NT5DC1: variants seen among roughly 807,000 people sequenced by gnomAD.
NT5DC1 encodes 5'-nucleotidase domain-containing protein 1.
In NT5DC1, 42 loss-of-function variants were observed where a neutral mutation model predicts 59.4. The observed-to-expected ratio is 0.71, with a 90% CI of 0.55 to 0.92. The LOEUF is 0.92. Among genes scored for constraint, NT5DC1 ranks in the 40% least tolerant of loss-of-function variants. The pLI, the probability that NT5DC1 is intolerant of heterozygous loss-of-function variation, is 0.00. For synonymous variants in NT5DC1, 172 were observed against 188.1 expected, an observed-to-expected ratio of 0.91 and a Z score of 0.70; for missense variants, 501 against 537.1, an observed-to-expected ratio of 0.93 and a Z score of 0.66.
intron 6 of NT5DC1, chr6:116,158,546 C>T (rs994375076): frequency 1.3e-5 from 2 of 152,078 alleles, no homozygotes; most frequent in Non-Finnish European, 2.9e-5. Context: ...AGTATTTTTG[C>T]CCTGTTTTTC....
chr6:116,108,506 C>T (rs1359643178), intron 3 of NT5DC1, 71 bp downstream of exon 3: 6 of 843,826 alleles, frequency 7.1e-6, no homozygotes, highest in Non-Finnish European at 1.3e-5. Context: ...TGGCATATGA[C>T]CCTTACAGTA....
chr6:116,133,424 C>T (rs1023047329), intron 6 of NT5DC1, among the ~76,000 whole-genome samples: 7 of 152,252 alleles, frequency 4.6e-5, no homozygotes, highest in East Asian at 1.9e-4. Flanking sequence ...TGTTTGCCAT[C>T]GTACTTGAGA....
intron 2 of NT5DC1, among the ~76,000 whole-genome samples, chr6:116,107,774 G>A (rs965767731): frequency 3.3e-5 from 5 of 151,874 alleles, no homozygotes; most frequent in East Asian, 3.9e-4. Context: ...GGGTTTCACC[G>A]TGTTAGCCAG....
At chr6:116,102,013 G>A (rs1778667838) in intron 1 of NT5DC1, among the ~76,000 whole-genome samples, 1 of 152,214 alleles carries the variant, frequency 6.6e-6, no homozygotes, top group Non-Finnish European at 1.5e-5. Context: ...TCTGTAAAAT[G>A]GAGCTAATAA....
At chr6:116,105,089 G>T (rs1355765110) in intron 1 of NT5DC1, among the ~76,000 whole-genome samples, 1 of 152,188 alleles carries the variant, frequency 6.6e-6, no homozygotes, top group Non-Finnish European at 1.5e-5. Flanking sequence ...GGAAGTACAT[G>T]TGTAGTGATT....
rs910612851 is a variant in NT5DC1 at position 116,144,076 on chromosome 6, A to T, written c.529+26131A>T. Among the ~76,000 whole-genome samples, 3 of 152,184 alleles carry T rather than the reference A, an allele frequency of 2.0e-5. No homozygotes were observed. The South Asian group carries it at 6.2e-4, about 31-fold the overall frequency. On this transcript the variant is annotated intron_variant, in intron 6 of 11. Transcript: ENST00000319550. ...TCATTTTTATATTTTTATAATGAGGATATTCAGAGTTCATGTATTGGTGGT... is the reference window on the plus strand; with the variant it reads ...TCATTTTTATATTTTTATAATGAGGTTATTCAGAGTTCATGTATTGGTGGT...
intron 8 of NT5DC1, among the ~76,000 whole-genome samples, chr6:116,236,602 C>T (rs1311010804): frequency 6.6e-6 from 1 of 152,150 alleles, no homozygotes; most frequent in African/African-American, 2.4e-5. Context: ...AAAATTAACA[C>T]CTAATGACTT....
At chr6:116,114,543 G>T (rs1778931127) in intron 4 of NT5DC1, among the ~76,000 whole-genome samples, 1 of 129,462 alleles carries the variant, frequency 7.7e-6, no homozygotes, top group Non-Finnish European at 1.6e-5. Flanking sequence ...GGGAGGGGGG[G>T]GGAGTCAAAA....
In NT5DC1 at chr6:116,246,057, T is replaced by G. The variant is rs1771841339; in HGVS notation, c.*2033T>G. ...GCTTTTTAAATTTGTATTTTCATTCTTTGTAAAGAGTGCCAATGGATATGA... is the reference window on the plus strand; with the variant it reads ...GCTTTTTAAATTTGTATTTTCATTCGTTGTAAAGAGTGCCAATGGATATGA... On this transcript the variant is annotated 3_prime_UTR_variant, in exon 12 of 12. Transcript: ENST00000319550. 6.6e-6 allele frequency: 1 copy of G among 152,172 alleles called. No individual in the cohort carries two copies. The highest frequency in any genetic ancestry group is 1.5e-5 in the Non-Finnish European group (1 of 68,012). The allele number at this position is 152,172 out of a possible 1,614,324, so 9.4% of individuals were successfully genotyped here.
At chr6:116,151,399 ATTGTTTTTGGTTT>A (rs1780033858) in intron 6 of NT5DC1, among the ~76,000 whole-genome samples, 1 of 152,130 alleles carries the variant, frequency 6.6e-6, no homozygotes, top group African/African-American at 2.4e-5. Context: ...TTCAACTCAT[ATTGTTTTTGGTTT>A]ATACCCTCTA....
chr6:116,135,220 TA>T (rs1204491385), intron 6 of NT5DC1, among the ~76,000 whole-genome samples: 3 of 152,176 alleles, frequency 2.0e-5, no homozygotes, highest in Non-Finnish European at 4.4e-5. Flanking sequence ...ATATGACCCT[TA>T]AAGGGGGAAG....
intron 6 of NT5DC1, among the ~76,000 whole-genome samples, chr6:116,163,141 A>AAAT (rs761718922): frequency 7.9e-5 from 7 of 88,414 alleles, no homozygotes; most frequent in African/African-American, 4.0e-4. Context: ...AAAAAAAAAA[A>AAAT]ATATATATAT....
At chr6:116,111,712 T>A (rs1778879047) in intron 4 of NT5DC1, among the ~76,000 whole-genome samples, 1 of 152,230 alleles carries the variant, frequency 6.6e-6, no homozygotes, top group Non-Finnish European at 1.5e-5. Flanking sequence ...TTTGCTTTGT[T>A]ATATTTGCTA....
intron 6 of NT5DC1, among the ~76,000 whole-genome samples, chr6:116,174,434 T>C (rs984400119): frequency 6.6e-6 from 1 of 152,242 alleles, no homozygotes; most frequent in African/African-American, 2.4e-5. Flanking sequence ...GAAAAGACGA[T>C]ATGCATGATT....
At chr6:116,104,457 A>T (rs946859531) in intron 1 of NT5DC1, among the ~76,000 whole-genome samples, 1 of 152,196 alleles carries the variant, frequency 6.6e-6, no homozygotes. Flanking sequence ...GGCAAATCTA[A>T]GGTGTACAAT....
intron 6 of NT5DC1, among the ~76,000 whole-genome samples, chr6:116,172,431 C>T (rs185016449): frequency 0.013 from 1,892 of 149,952 alleles, 17 homozygotes; most frequent in Non-Finnish European, 0.016. Flanking sequence ...AGGCAATTCT[C>T]CTGCCTCAGC....
intron 6 of NT5DC1, among the ~76,000 whole-genome samples, chr6:116,208,064 C>T (rs1781493893): frequency 6.6e-6 from 1 of 151,934 alleles, no homozygotes; most frequent in South Asian, 2.1e-4. Flanking sequence ...GCACTTCAGT[C>T]CTCAGTGTGG....
chr6:116,183,752 T>C (rs906370645), intron 6 of NT5DC1, among the ~76,000 whole-genome samples: 4 of 152,116 alleles, frequency 2.6e-5, no homozygotes, highest in African/African-American at 9.7e-5. Context: ...ATTAATTTTG[T>C]ATCCTGAAAC....
intron 6 of NT5DC1, among the ~76,000 whole-genome samples, chr6:116,159,779 C>T (rs975514118): frequency 1.3e-5 from 2 of 152,166 alleles, no homozygotes; most frequent in African/African-American, 4.8e-5. Flanking sequence ...TGCTTTCCCC[C>T]AGCCCCCACC....
Sources: allele counts gnomAD v4.1 joint callset (sites outside exome capture counted in the v4.1 genomes callset), GRCh38; gene constraint gnomAD v4.1.1; transcripts MANE v1.5; gene names NCBI Gene and HGNC (gene_info 2026-07-23, HGNC 2026-07-21).